The following CD86 variants were observed in gnomAD, a reference collection of about 807,000 sequenced individuals.
CD86 encodes the protein CD86 molecule, also known as T-lymphocyte activation antigen CD86.
CD86 carries 11 observed loss-of-function variants against 32.1 expected under a neutral mutation model. The ratio of observed to expected loss-of-function variants is 0.34; its 90% CI spans 0.22 to 0.57. The LOEUF (loss-of-function observed/expected upper bound fraction) is 0.57, where lower values mean the gene tolerates loss of function less well. CD86 is among the 20% of genes least tolerant of loss of function. The pLI is 0.86. For synonymous variants in CD86, 137 were observed against 135.3 expected, an observed-to-expected ratio of 1.01 and a Z score of -0.09; for missense variants, 359 against 398.4, an observed-to-expected ratio of 0.90 and a Z score of 0.84.
intron 1 of CD86, among the ~76,000 whole-genome samples, chr3:122,080,911 T>C (rs949580615): frequency 3.3e-5 from 5 of 151,958 alleles, no homozygotes; most frequent in African/African-American, 1.2e-4. Context: ...ACCCATCCCT[T>C]CCTCATCATG....
chr3:122,064,320 A>T (rs930934085), intron 1 of CD86, among the ~76,000 whole-genome samples: 1 of 152,134 alleles, frequency 6.6e-6, no homozygotes, highest in Non-Finnish European at 1.5e-5. Context: ...GATTGATGGG[A>T]TTATGGAAAT....
intron 1 of CD86, among the ~76,000 whole-genome samples, chr3:122,091,153 T>G (rs2072811193): frequency 6.6e-6 from 1 of 152,232 alleles, no homozygotes; most frequent in African/African-American, 2.4e-5. Context: ...AATATCACAA[T>G]CCATTGTAGA....
intron 5 of CD86, among the ~76,000 whole-genome samples, chr3:122,114,260 T>TATAAATAAATAAATAA (rs56864968): frequency 2.3e-3 from 353 of 151,478 alleles, no homozygotes; most frequent in African/African-American, 8.4e-3. Flanking sequence ...TCTTAAAAAA[T>TATAAATAAATAAATAA]ATAAATAAAT....
intron 1 of CD86, among the ~76,000 whole-genome samples, chr3:122,067,028 G>C (rs1456655273): frequency 1.3e-5 from 2 of 152,136 alleles, no homozygotes; most frequent in Non-Finnish European, 2.9e-5. Flanking sequence ...AGCTTCCACA[G>C]AGGTAAAGAA....
At chr3:122,067,003 C>T (rs1348062090) in intron 1 of CD86, among the ~76,000 whole-genome samples, 1 of 152,038 alleles carries the variant, frequency 6.6e-6, no homozygotes, top group Non-Finnish European at 1.5e-5. Context: ...GGAAGACATT[C>T]CAGGCAGAAG....
intron 1 of CD86, among the ~76,000 whole-genome samples, chr3:122,078,889 G>A (rs370127413): frequency 3.3e-5 from 5 of 152,174 alleles, no homozygotes; most frequent in Admixed American, 1.3e-4. Flanking sequence ...ACTAAAATGC[G>A]TCTATTTATG....
intron 5 of CD86, among the ~76,000 whole-genome samples, chr3:122,114,106 C>G (rs2073214803): frequency 6.6e-6 from 1 of 151,962 alleles, no homozygotes; most frequent in African/African-American, 2.4e-5. Context: ...CAAAAATTAG[C>G]TGGGTGTGGT....
At chr3:122,100,861 A>C (rs3792286) in intron 2 of CD86, among the ~76,000 whole-genome samples, 4 of 152,136 alleles carry the variant, frequency 2.6e-5, no homozygotes, top group Admixed American at 2.0e-4. Context: ...TTACCCACCT[A>C]TGGAATCCCA....
rs1417613637 is a variant in CD86 at position 122,119,733 on chromosome 3, C to T, written c.*199C>T. On this transcript the variant is annotated 3_prime_UTR_variant, in exon 7 of 7. Transcript: ENST00000330540. ...TATGCCAAGAGGAGACTTTAATTCT[C>T]TTACTGCTTCTTTTCACTTCAGAGC... The T allele has an allele frequency of 3.8e-6, 2 of 520,428 alleles. No homozygotes were observed. Among genetic ancestry groups the T allele is most frequent in the African/African-American group, 3.9e-5 (2 of 51,658 alleles). The allele number at this position is 520,428 out of a possible 1,614,324, so 32.2% of individuals were successfully genotyped here. A position where few individuals can be genotyped will look rare whatever the true frequency, so the allele number is the denominator to read the frequency against.
chr3:122,101,127 G>C (rs1300933036), intron 2 of CD86, among the ~76,000 whole-genome samples: 1 of 152,060 alleles, frequency 6.6e-6, no homozygotes, highest in East Asian at 1.9e-4. Flanking sequence ...GGGGAGGAGA[G>C]GGAGTCTGAG....
In CD86 at chr3:122,055,446, G is replaced by A; in HGVS notation, c.-44G>A. On this transcript the variant is annotated 5_prime_UTR_variant, in exon 1 of 7. It adds an upstream start codon to the 5' untranslated region. Coordinates refer to ENST00000330540, the MANE Select transcript of CD86 (RefSeq NM_175862.5). ...GGGACTAGCACAGACACACGGATGA[G>A]TGGGGTCATTTCCAGATATTAGGTC... The A allele has an allele frequency of 6.2e-7, 1 of 1,605,706 alleles. No individual in the cohort carries two copies. Among genetic ancestry groups the A allele is most frequent in the East Asian group, 2.2e-5 (1 of 44,850 alleles).
In CD86 at chr3:122,120,225, T is replaced by G. The variant is rs985486590; in HGVS notation, c.*691T>G. On this transcript the variant is annotated 3_prime_UTR_variant, in exon 7 of 7. Transcript: ENST00000330540. ...GATAGAACCTGGAGCCACTTCTATC[T>G]GGGCTGTTGCTAATATTGAGGAGGC... 2.6e-5 allele frequency: 4 copies of G among 152,228 alleles called. No homozygotes were observed. Among genetic ancestry groups the G allele is most frequent in the African/African-American group, 9.7e-5 (4 of 41,428 alleles). 9.4% of individuals were successfully genotyped at this position (152,228 alleles called of 1,614,324 possible).
chr3:122,106,929 C>T lies in CD86; in HGVS notation c.703+429C>T, dbSNP rs373061872. Among the ~76,000 whole-genome samples, 26 of 151,206 alleles carry T rather than the reference C, an allele frequency of 1.7e-4. No homozygotes were observed. The East Asian group carries it at 2.9e-3, about 17-fold the overall frequency. ...ATTGTGAGTATAGAACCATTTGGGA[C>T]ATTATTGGTCACAGGAGTGAAAACA... On this transcript the variant is annotated intron_variant, in intron 4 of 6. Transcript: ENST00000330540.
intron 1 of CD86, among the ~76,000 whole-genome samples, chr3:122,090,985 C>G (rs2072808145): frequency 6.6e-6 from 1 of 152,156 alleles, no homozygotes; most frequent in Non-Finnish European, 1.5e-5. Context: ...GATTTTTACT[C>G]ACATTCAAGT....
Position 122,091,583 on chromosome 3 carries a change from T to C in CD86, c.15-18T>C. On this transcript the variant is annotated intron_variant, in intron 1 of 6. Transcript: ENST00000330540. ...TCCTTTTCTAATCAAGTTTTACCTTTTTTTTTCTCGACTCTAGCACTATGG... is the reference window on the plus strand; with the variant it reads ...TCCTTTTCTAATCAAGTTTTACCTTCTTTTTTCTCGACTCTAGCACTATGG... 3 of 1,603,820 alleles carry C rather than the reference T, an allele frequency of 1.9e-6. No homozygotes were observed. The highest frequency in any genetic ancestry group is 2.6e-6 in the Non-Finnish European group (3 of 1,170,944).
intron 5 of CD86, among the ~76,000 whole-genome samples, chr3:122,110,005 T>C (rs2073149102): frequency 6.6e-6 from 1 of 152,204 alleles, no homozygotes; most frequent in African/African-American, 2.4e-5. Context: ...TTGGTGCCTA[T>C]CTTTAAGATT....
intron 1 of CD86, among the ~76,000 whole-genome samples, chr3:122,059,559 A>T (rs2072294769): frequency 6.6e-6 from 1 of 151,994 alleles, no homozygotes; most frequent in African/African-American, 2.4e-5. Flanking sequence ...AAAGAAAGAA[A>T]TCAAGTGGGG....
intron 2 of CD86, 83 bp downstream of exon 2, chr3:122,091,733 T>C (rs2072826779): frequency 3.5e-6 from 4 of 1,137,554 alleles, no homozygotes; most frequent in Non-Finnish European, 2.7e-6. Flanking sequence ...GGCCTGAGAC[T>C]TGGTGGGTTT....
At chr3:122,101,487 G>C (rs1398656876) in intron 2 of CD86, among the ~76,000 whole-genome samples, 1 of 115,402 alleles carries the variant, frequency 8.7e-6, no homozygotes, top group Non-Finnish European at 1.6e-5. Flanking sequence ...ATACTGTGAG[G>C]CTCTACAGAA....
Sources: allele counts gnomAD v4.1 joint callset (sites outside exome capture counted in the v4.1 genomes callset), GRCh38; gene constraint gnomAD v4.1.1; transcripts MANE v1.5; gene names NCBI Gene and HGNC (gene_info 2026-07-23, HGNC 2026-07-21).